OOSP1: variants seen among roughly 807,000 people sequenced by gnomAD.
The protein encoded by OOSP1 is putative oocyte-secreted protein 1 homolog.
Under a neutral mutation model 5.7 loss-of-function variants are expected in OOSP1, and 11 were observed. That is an observed-to-expected ratio of 1.94 (90% CI 1.22 to 3.20). The LOEUF is 3.20. Among genes scored for constraint, OOSP1 ranks in the 30% most tolerant of loss-of-function variants. The pLI is 0.00. For missense variants in OOSP1, 83 were observed against 54.1 expected, an observed-to-expected ratio of 1.53 and a Z score of -1.67; for synonymous variants, 44 against 20.0, an observed-to-expected ratio of 2.20 and a Z score of -3.20.
chr11:59,944,365 G>C (rs572147567), intron 2 of OOSP1, among the ~76,000 whole-genome samples: 2 of 142,822 alleles, frequency 1.4e-5, no homozygotes, highest in African/African-American at 2.6e-5. Flanking sequence ...CTGCGGGGGG[G>C]GGGCAGGGAA....
At chr11:59,949,236 G>T (rs912925173) in intron 4 of OOSP1, among the ~76,000 whole-genome samples, 3 of 152,100 alleles carry the variant, frequency 2.0e-5, no homozygotes, top group African/African-American at 7.2e-5. Flanking sequence ...TCACACTTTA[G>T]TAGGAGGAGG....
At chr11:59,949,809 C>T (rs528106758) in intron 4 of OOSP1, among the ~76,000 whole-genome samples, 2 of 152,076 alleles carry the variant, frequency 1.3e-5, no homozygotes, top group African/African-American at 2.4e-5. Flanking sequence ...GAGGAAGCAG[C>T]GACTGAAGTA....
intron 4 of OOSP1, among the ~76,000 whole-genome samples, chr11:59,953,986 C>T (rs1853965722): frequency 6.6e-6 from 1 of 152,142 alleles, no homozygotes; most frequent in South Asian, 2.1e-4. Flanking sequence ...AGTGTACTTA[C>T]ACAAACCTAG....
At chr11:59,944,356 T>C (rs894033114) in intron 2 of OOSP1, among the ~76,000 whole-genome samples, 1 of 4,118 alleles carries the variant, frequency 2.4e-4, no homozygotes, top group Non-Finnish European at 1.5e-3. Flanking sequence ...TGATATAAAC[T>C]GCGGGGGGGG....
intron 4 of OOSP1, among the ~76,000 whole-genome samples, chr11:59,953,379 A>G (rs953356861): frequency 6.6e-6 from 1 of 151,836 alleles, no homozygotes; most frequent in African/African-American, 2.4e-5. Flanking sequence ...TAGATCTCAT[A>G]TATATATATA....
At chr11:59,946,543 T>G (rs1305557775) in intron 3 of OOSP1, among the ~76,000 whole-genome samples, 1 of 152,140 alleles carries the variant, frequency 6.6e-6, no homozygotes, top group Non-Finnish European at 1.5e-5. Flanking sequence ...CCCTAGAACA[T>G]AGGAATACTA....
chr11:59,947,350 T>C (rs779335936), intron 3 of OOSP1, among the ~76,000 whole-genome samples: 1 of 152,188 alleles, frequency 6.6e-6, no homozygotes, highest in Non-Finnish European at 1.5e-5. Flanking sequence ...CTTGAACTTC[T>C]GGGTTCAAGG....
chr11:59,947,130 C>T (rs1853893242), intron 3 of OOSP1, among the ~76,000 whole-genome samples: 1 of 151,804 alleles, frequency 6.6e-6, no homozygotes, highest in African/African-American at 2.4e-5. Flanking sequence ...AATTTTTTTT[C>T]CCTGAGTAAT....
exon 5 of OOSP1, chr11:59,957,334 A>T (rs1854002591): frequency 5.0e-6 from 2 of 396,864 alleles, no homozygotes; most frequent in South Asian, 2.6e-4. Flanking sequence ...TCATTTATCC[A>T]TCCAAGGTAC....
rs371090148 is a variant in OOSP1, at chr11:59,939,734, T to C, written c.76+1204T>C. On this transcript the variant is annotated intron_variant, in intron 1 of 4. Coordinates refer to ENST00000646685, the Ensembl canonical transcript of OOSP1. ...TTCCTCTTTCTCTTTCTCTTCTTTT[T>C]CTCTTTTTTCTTTTTCTCTTCTTTC... Among the ~76,000 whole-genome samples, 428 of 151,852 alleles carry C rather than the reference T, an allele frequency of 2.8e-3. 5 individuals are homozygous for C. The highest frequency in any genetic ancestry group is 9.3e-3 in the African/African-American group (386 of 41,436).
chr11:59,945,434 G>C, intron 3 of OOSP1, 168 bp downstream of exon 3: 1 of 679,798 alleles, frequency 1.5e-6, no homozygotes, highest in Non-Finnish European at 2.7e-6. Context: ...TTAGTCCTCT[G>C]TTGCATTGCT....
rs10555344 is a variant in OOSP1 at position 59,946,915 on chromosome 11, ATATCTATCTATCTATCTATC to A, written c.357-784_357-765del. Among the ~76,000 whole-genome samples the A allele has an allele frequency of 1.9e-3, 283 of 145,228 alleles. 4 individuals are homozygous for A. Among genetic ancestry groups the A allele is most frequent in the African/African-American group, 6.2e-3 (242 of 39,142 alleles). ...CCTGTATCAAAATATCTCATCTACC[ATATCTATCTATCTATCTATC>A]TATCTATCTATCTATCTATCTATCT... On this transcript the variant is annotated intron_variant, in intron 3 of 4. Transcript: ENST00000646685.
At chr11:59,954,677 C>G (rs1451235635) in intron 4 of OOSP1, among the ~76,000 whole-genome samples, 1 of 146,382 alleles carries the variant, frequency 6.8e-6, no homozygotes, top group Non-Finnish European at 1.5e-5. Context: ...ATCTAATCAT[C>G]TATCTACATA....
chr11:59,954,394 T>C (rs1293438340), intron 4 of OOSP1, among the ~76,000 whole-genome samples: 3 of 151,888 alleles, frequency 2.0e-5, no homozygotes, highest in African/African-American at 7.3e-5. Flanking sequence ...TTTACCAAAA[T>C]AGGTAGTGGG....
chr11:59,948,365 C>T (rs967148319), intron 4 of OOSP1, among the ~76,000 whole-genome samples: 1 of 152,128 alleles, frequency 6.6e-6, no homozygotes, highest in African/African-American at 2.4e-5. Context: ...GAAAAATCCA[C>T]ACACATTAAT....
intron 4 of OOSP1, among the ~76,000 whole-genome samples, chr11:59,949,503 T>TA (rs112691509): frequency 2.9e-4 from 42 of 147,030 alleles, no homozygotes; most frequent in Middle Eastern, 3.4e-3. Context: ...ATAATAAAAT[T>TA]AAAAAAAAAA....
intron 4 of OOSP1, chr11:59,948,891 G>A (rs758460370): frequency 5.0e-6 from 2 of 396,700 alleles, no homozygotes; most frequent in Non-Finnish European, 4.4e-6. Flanking sequence ...GCTCTCAACT[G>A]TTATCCATCT....
exon 2 of OOSP1, chr11:59,943,008 G>A: frequency 1.4e-6 from 1 of 702,848 alleles, no homozygotes; most frequent in South Asian, 1.5e-5. Flanking sequence ...CCATCCTCAT[G>A]ACTGTGGTAT....
intron 2 of OOSP1, among the ~76,000 whole-genome samples, chr11:59,943,354 A>AT (rs1247507513): frequency 1.3e-5 from 2 of 152,132 alleles, no homozygotes; most frequent in African/African-American, 4.8e-5. Flanking sequence ...AACTTAAAGT[A>AT]TAAAAAAAAA....
Sources: gnomAD v4.1 joint callset for allele counts (sites outside exome capture counted in the v4.1 genomes callset) on GRCh38, gnomAD v4.1.1 for gene constraint, MANE v1.5 for transcripts, NCBI Gene and HGNC (gene_info 2026-07-23, HGNC 2026-07-21) for gene names.